NCOR2: variants seen among roughly 807,000 people sequenced by gnomAD.
NCOR2 encodes CTG repeat protein 26.
Under a neutral mutation model 262.9 loss-of-function variants are expected in NCOR2, and 81 were observed. The observed-to-expected ratio is 0.31, with a 90% confidence interval of 0.26 to 0.37. NCOR2 has a LOEUF of 0.37. Ranked by LOEUF, NCOR2 falls within the 10% of genes least tolerant of loss-of-function variation. The pLI is 1.00. For missense variants in NCOR2, 3,385 were observed against 3,621.4 expected (o/e 0.93, Z 1.68); for synonymous variants, 1,659 against 1,559.3 (o/e 1.06, Z -1.51).
chr12:124,476,715 T>C (rs1041552132), intron 3 of NCOR2, among the ~76,000 whole-genome samples: 6 of 152,142 alleles, frequency 3.9e-5, no homozygotes, highest in Non-Finnish European at 8.8e-5. Context: ...CTTCTTTAAG[T>C]TCGGGTTTAG....
chr12:124,552,483 T>C (rs1337845178), intron 1 of NCOR2, among the ~76,000 whole-genome samples: 1 of 152,150 alleles, frequency 6.6e-6, no homozygotes, highest in Non-Finnish European at 1.5e-5. Context: ...CAGGTCAAGG[T>C]CAAGAAACTG....
intron 18 of NCOR2, among the ~76,000 whole-genome samples, chr12:124,376,184 G>A (rs1166491856): frequency 1.3e-5 from 2 of 152,170 alleles, no homozygotes; most frequent in African/African-American, 2.4e-5. Context: ...GAGCAGCCAC[G>A]GAAGACCACC....
At chr12:124,388,706 C>A (rs747709408) in intron 16 of NCOR2, 2 of 1,304,478 alleles carry the variant, frequency 1.5e-6, no homozygotes, top group South Asian at 1.2e-5. Flanking sequence ...CGCGTCTCCC[C>A]CTCGGCCAAG....
chr12:124,432,292 C>T lies in NCOR2; in HGVS notation c.883-1505G>A, dbSNP rs2044003582. Among the ~76,000 whole-genome samples, 2 of 152,152 alleles carry T rather than the reference C, an allele frequency of 1.3e-5. No individual in the cohort carries two copies. The highest frequency in any genetic ancestry group is 3.9e-4 in the East Asian group (2 of 5,190). On this transcript the variant is annotated intron_variant, in intron 8 of 46. Transcript: ENST00000405201. The surrounding 1 kb of genome is among the most constrained non-coding windows in gnomAD (Gnocchi z 5.1). ...CATAGTTGCATGGCTATCCAGCAGA[C>T]GGGGGCCCCTGAAGAAAACCCACAG...
At chr12:124,554,632 G>A (rs941244757) in intron 1 of NCOR2, among the ~76,000 whole-genome samples, 2 of 152,228 alleles carry the variant, frequency 1.3e-5, no homozygotes, top group East Asian at 3.9e-4. Context: ...AGAGGGCAGC[G>A]AGAGCCTGAA....
At chr12:124,546,559 C>A (rs1055234652) in intron 1 of NCOR2, among the ~76,000 whole-genome samples, 1 of 152,136 alleles carries the variant, frequency 6.6e-6, no homozygotes, top group African/African-American at 2.4e-5. Context: ...GGATTACAGG[C>A]GTCTGCCATC....
intron 4 of NCOR2, among the ~76,000 whole-genome samples, chr12:124,470,370 C>T (rs928387881): frequency 2.6e-5 from 4 of 152,194 alleles, no homozygotes; most frequent in African/African-American, 9.7e-5. Context: ...CCCATGAGAA[C>T]TGAAAACAGG....
intron 1 of NCOR2, chr12:124,513,192 T>C (rs544066043): frequency 7.2e-5 from 11 of 152,360 alleles, no homozygotes; most frequent in Admixed American, 7.2e-4. Context: ...CCAGGAATTA[T>C]GTTATTAGCC....
intron 13 of NCOR2, among the ~76,000 whole-genome samples, chr12:124,416,682 G>A (rs2042884263): frequency 7.1e-6 from 1 of 140,318 alleles, no homozygotes; most frequent in African/African-American, 2.7e-5. Flanking sequence ...GGAGACCCGC[G>A]ACACAGGGAG....
exon 31 of NCOR2, chr12:124,346,817 T>C (rs1314818650): frequency 4.4e-6 from 7 of 1,579,434 alleles, no homozygotes. Context: ...ACGCAGGTAG[T>C]CCTCCTGTGC....
intron 20 of NCOR2, among the ~76,000 whole-genome samples, chr12:124,368,758 C>T (rs977772795): frequency 4.6e-5 from 7 of 152,254 alleles, no homozygotes; most frequent in East Asian, 1.9e-4. Context: ...CTCCCCATGC[C>T]CCATCTGCCC....
At chr12:124,342,204 G>T in intron 33 of NCOR2, 130 bp from the exon 36 acceptor site, 2 of 1,108,224 alleles carry the variant, frequency 1.8e-6, no homozygotes, top group South Asian at 1.6e-5. Context: ...GCTGCCCAAA[G>T]CACAAACCAG....
chr12:124,353,143 C>T (rs1302494719), intron 27 of NCOR2, among the ~76,000 whole-genome samples: 4 of 152,212 alleles, frequency 2.6e-5, no homozygotes, highest in African/African-American at 9.6e-5. Flanking sequence ...GGGCGCGGGT[C>T]ATGGCCACTC....
chr12:124,418,571 G>A (rs1048579098), intron 13 of NCOR2, among the ~76,000 whole-genome samples: 1 of 152,198 alleles, frequency 6.6e-6, no homozygotes, highest in South Asian at 2.1e-4. Context: ...AGTCCAACCA[G>A]CCTTGTGGGT....
intron 1 of NCOR2, among the ~76,000 whole-genome samples, chr12:124,505,336 G>C (rs937391431): frequency 3.3e-5 from 5 of 152,168 alleles, no homozygotes; most frequent in Middle Eastern, 6.8e-3. Flanking sequence ...CCATGGACTC[G>C]GCCCCCTGTG....
At chr12:124,450,389 A>G (rs977733387) in intron 6 of NCOR2, among the ~76,000 whole-genome samples, 10 of 152,234 alleles carry the variant, frequency 6.6e-5, no homozygotes, top group Admixed American at 6.5e-4. Context: ...GTATGGGCAC[A>G]CATCCCCCAG....
At chr12:124,501,764 C>T (rs78900181) in intron 1 of NCOR2, among the ~76,000 whole-genome samples, 7 of 152,296 alleles carry the variant, frequency 4.6e-5, no homozygotes, top group Admixed American at 3.9e-4. Context: ...CCAGGTTCCA[C>T]GCAGACGTAC....
rs775458405 is a variant in NCOR2 at position 124,336,761 on chromosome 12, C to T, written c.6107G>A (p.Arg2036His). The T allele has an allele frequency of 2.2e-5, 36 of 1,612,968 alleles. No individual in the cohort carries two copies. Among genetic ancestry groups the T allele is most frequent in the Middle Eastern group, 1.6e-4 (1 of 6,074 alleles). ...TGTCAGGGTGGTCTTACCCAGAGAA[C>T]GGAGTTCCAGTTCCTGGATGGAAAA... is the stretch of plus-strand genomic sequence containing the variant. The change falls in exon 38 of 47, where the codon CGT becomes CAT. Residue 2036 changes from arginine to histidine, a missense_variant. Physicochemically the swap from Arg to His is conservative, Grantham distance 29. This residue lies in a region of NCOR2 where 1,017 missense variants were observed against 967.2 expected (regional missense o/e 1.05). Transcript: ENST00000405201.
At chr12:124,508,653 TC>T (rs1356655800) in intron 1 of NCOR2, among the ~76,000 whole-genome samples, 1 of 152,156 alleles carries the variant, frequency 6.6e-6, no homozygotes, top group Non-Finnish European at 1.5e-5. Context: ...TGGAACAGGG[TC>T]CACGTGGGGC....
Sources: allele counts gnomAD v4.1 joint callset (sites outside exome capture counted in the v4.1 genomes callset), GRCh38; gene constraint gnomAD v4.1.1; regional missense constraint gnomAD v4.1.1; non-coding constraint Gnocchi (gnomAD v3.1); transcripts MANE v1.5; gene names NCBI Gene and HGNC (gene_info 2026-07-23, HGNC 2026-07-21).